Variants in PTPN9 observed in about 807,000 individuals in gnomAD.
PTPN9 encodes the protein tyrosine-protein phosphatase non-receptor type 9.
In PTPN9, 26 loss-of-function variants were observed where a neutral mutation model predicts 69.8. The observed-to-expected ratio is 0.37, with a 90% CI of 0.27 to 0.52. The LOEUF (loss-of-function observed/expected upper bound fraction) is 0.52, where lower values mean the gene tolerates loss of function less well. Ranked by LOEUF, PTPN9 falls within the 20% of genes least tolerant of loss-of-function variation. The pLI, the probability that PTPN9 is intolerant of heterozygous loss-of-function variation, is 0.91. For synonymous variants in PTPN9, 274 were observed against 272.5 expected (o/e 1.01, Z -0.05); for missense variants, 549 against 740.3 (o/e 0.74, Z 3.00).
At chr15:75,572,818 C>A (rs991149943) in intron 1 of PTPN9, among the ~76,000 whole-genome samples, 2 of 152,096 alleles carry the variant, frequency 1.3e-5, no homozygotes, top group Non-Finnish European at 2.9e-5. Flanking sequence ...TGTGACCACA[C>A]CTTGAAATGG....
At chr15:75,561,707 A>AT (rs2075104658) in intron 1 of PTPN9, among the ~76,000 whole-genome samples, 2 of 151,580 alleles carry the variant, frequency 1.3e-5, no homozygotes, top group South Asian at 4.2e-4. Context: ...TTTTTATTTT[A>AT]TTTTTTATTA....
rs554333238 is a variant in PTPN9, at chr15:75,503,030, G to A, written c.968+2645C>T. Among the ~76,000 whole-genome samples the A allele has an allele frequency of 5.7e-3, 867 of 152,174 alleles. 2 individuals are homozygous for A. Among genetic ancestry groups the A allele is most frequent in the Non-Finnish European group, 7.8e-3 (531 of 68,006 alleles). The stretch of plus-strand genomic sequence containing the variant: ...GCCTGCCTTGGCCTCCCAAAGTGCC[G>A]AGATTGCAGCCTCTGCCCGGCCACC... On this transcript the variant is annotated intron_variant, in intron 7 of 12. Coordinates refer to ENST00000618819, the MANE Select transcript of PTPN9 (RefSeq NM_002833.4).
intron 7 of PTPN9, among the ~76,000 whole-genome samples, chr15:75,503,777 G>C (rs1279754133): frequency 8.9e-6 from 1 of 111,768 alleles, no homozygotes; most frequent in Admixed American, 8.5e-5. Flanking sequence ...GGTGGGGGGG[G>C]GGTCAGCCCC....
chr15:75,578,511 A>C (rs1013944375), intron 1 of PTPN9, among the ~76,000 whole-genome samples: 4 of 152,028 alleles, frequency 2.6e-5, no homozygotes, highest in African/African-American at 9.7e-5. Flanking sequence ...AAGCGGCGGG[A>C]ACGGGAGTAG....
At chr15:75,482,587 AAAAAG>A in intron 8 of PTPN9, among the ~76,000 whole-genome samples, 1 of 148,340 alleles carries the variant, frequency 6.7e-6, no homozygotes, top group African/African-American at 2.5e-5. Context: ...AAAAAAAAAA[AAAAAG>A]AGTCATCACC....
intron 9 of PTPN9, among the ~76,000 whole-genome samples, chr15:75,479,364 A>G (rs1247715048): frequency 6.6e-6 from 1 of 152,186 alleles, no homozygotes; most frequent in Non-Finnish European, 1.5e-5. Flanking sequence ...TGTCAGACTT[A>G]TTAGCACATA....
intron 5 of PTPN9, 99 bp from the exon 6 acceptor site, chr15:75,509,126 G>A: frequency 1.1e-6 from 1 of 934,730 alleles, no homozygotes; most frequent in South Asian, 1.4e-5. Flanking sequence ...TTACCCAGCA[G>A]GGGGAGTCTA....
chr15:75,543,278 A>G (rs2075017210), intron 1 of PTPN9, among the ~76,000 whole-genome samples: 1 of 152,116 alleles, frequency 6.6e-6, no homozygotes, highest in South Asian at 2.1e-4. Flanking sequence ...AAATCACAGT[A>G]GTAGTAACCA....
At position 75,548,778 on chromosome 15, in the gene PTPN9, C is replaced by T. The variant is rs552166448; in HGVS notation, c.64-21517G>A. Among the ~76,000 whole-genome samples the T allele has an allele frequency of 1.1e-4, 17 of 151,096 alleles. No individual in the cohort carries two copies. The South Asian group carries it at 3.2e-3, about 28-fold the overall frequency. ...ACGCCATTCTCCTGCCTCAGCCTCC[C>T]GAGTAGCTGGGACTACAGGCGCCCG... On this transcript the variant is annotated intron_variant, in intron 1 of 12. Transcript: ENST00000618819.
chr15:75,470,771 CGA>C lies in PTPN9; in HGVS notation c.1266_1267del (p.Arg423AspfsTer20), dbSNP rs2074559721. ...CACTGTGAGGAAGCCAAATCGGATCCGAGAGTCTTTTTCTAAAGGCCAGTACT... is the reference window on the plus strand; with the variant it reads ...CACTGTGAGGAAGCCAAATCGGATCCGAGTCTTTTTCTAAAGGCCAGTACT... On this transcript the variant is annotated frameshift_variant, in exon 11 of 13. Transcript: ENST00000618819. LOFTEE classifies it high-confidence loss of function. The C allele has an allele frequency of 1.2e-6, 2 of 1,614,162 alleles. No individual in the cohort carries two copies. The highest frequency in any genetic ancestry group is 2.2e-5 in the East Asian group (1 of 44,884).
intron 1 of PTPN9, among the ~76,000 whole-genome samples, chr15:75,559,329 A>G (rs1038940944): frequency 4.6e-5 from 7 of 152,166 alleles, no homozygotes; most frequent in Non-Finnish European, 8.8e-5. Flanking sequence ...GTCGAGTAGA[A>G]AAGGGGGAAA....
chr15:75,503,559 C>G (rs1465963546), intron 7 of PTPN9, among the ~76,000 whole-genome samples: 5 of 113,262 alleles, frequency 4.4e-5, no homozygotes, highest in Admixed American at 8.8e-5. Flanking sequence ...GGGTCAGCCC[C>G]CCGCCCGGCC....
chr15:75,472,214 C>T (rs2074570786), intron 10 of PTPN9, among the ~76,000 whole-genome samples: 1 of 151,928 alleles, frequency 6.6e-6, no homozygotes. Context: ...AATCCCAGCA[C>T]TTTGGGAGGC....
chr15:75,504,588 G>A (rs1391246411), intron 7 of PTPN9, among the ~76,000 whole-genome samples: 19 of 139,668 alleles, frequency 1.4e-4, no homozygotes, highest in African/African-American at 3.2e-4. Flanking sequence ...CGCCCCTACT[G>A]GGAAGTGAGG....
At chr15:75,490,949 A>G (rs528784342) in intron 7 of PTPN9, among the ~76,000 whole-genome samples, 2 of 151,960 alleles carry the variant, frequency 1.3e-5, no homozygotes, top group South Asian at 4.2e-4. Context: ...CTCTAGAGAG[A>G]AGTCAAAAAA....
chr15:75,526,262 G>A (rs867976845), intron 2 of PTPN9, among the ~76,000 whole-genome samples: 8 of 152,154 alleles, frequency 5.3e-5, no homozygotes, highest in Admixed American at 2.0e-4. Context: ...AAAGTGCTGA[G>A]ATTACAGGCA....
At chr15:75,522,803 A>T (rs1171598491) in intron 4 of PTPN9, among the ~76,000 whole-genome samples, 3 of 152,190 alleles carry the variant, frequency 2.0e-5, no homozygotes, top group African/African-American at 7.2e-5. Context: ...TGATATGAGC[A>T]AAAAGAACCA....
chr15:75,490,328 G>C lies in PTPN9; in HGVS notation c.969-27C>G. The C allele has an allele frequency of 2.0e-6, 3 of 1,520,016 alleles. No individual in the cohort carries two copies. The highest frequency in any genetic ancestry group is 2.7e-6 in the Non-Finnish European group (3 of 1,095,772). 94.2% of individuals were successfully genotyped at this position (1,520,016 alleles called of 1,614,324 possible). On this transcript the variant is annotated intron_variant, in intron 7 of 12. Coordinates refer to ENST00000618819, the MANE Select transcript of PTPN9 (RefSeq NM_002833.4). ...TGAAGGAAACGAAACAAACAAGCAA[G>C]AATAAAGAAAAAGTGGGGACAGTAT...
intron 7 of PTPN9, among the ~76,000 whole-genome samples, chr15:75,498,866 A>C (rs926562236): frequency 2.0e-5 from 3 of 152,186 alleles, no homozygotes; most frequent in African/African-American, 7.2e-5. Context: ...ACACAAACCT[A>C]CATGTGTGAC....
Sources: allele counts gnomAD v4.1 joint callset (sites outside exome capture counted in the v4.1 genomes callset), GRCh38; gene constraint gnomAD v4.1.1; transcripts MANE v1.5; gene names NCBI Gene and HGNC (gene_info 2026-07-23, HGNC 2026-07-21).